Variants in TRIM33 observed in about 807,000 individuals in gnomAD.
The protein encoded by TRIM33 is E3 ubiquitin-protein ligase TRIM33.
A neutral mutation model predicts 125.4 loss-of-function variants in TRIM33; 20 were observed. The observed-to-expected ratio is 0.16, with a 90% confidence interval of 0.11 to 0.23. TRIM33 has a LOEUF of 0.23. TRIM33 is among the 10% of genes least tolerant of loss of function. TRIM33 has a pLI of 1.00. For missense variants in TRIM33, 920 were observed against 1,411.4 expected (o/e 0.65, Z 5.58); for synonymous variants, 564 against 513.9 (o/e 1.10, Z -1.32).
intron 1 of TRIM33, among the ~76,000 whole-genome samples, chr1:114,468,087 G>C (rs775915734): frequency 1.3e-5 from 2 of 152,272 alleles, no homozygotes; most frequent in East Asian, 3.9e-4. Context: ...TTGTCAAGTC[G>C]TGCCAGAAAC....
intron 1 of TRIM33, among the ~76,000 whole-genome samples, chr1:114,471,833 A>G (rs1225501752): frequency 6.6e-6 from 1 of 152,204 alleles, no homozygotes; most frequent in East Asian, 1.9e-4. Context: ...AAAATGGAAA[A>G]CATGTTATTT....
intron 1 of TRIM33, among the ~76,000 whole-genome samples, chr1:114,476,475 T>A (rs1361184022): frequency 6.6e-6 from 1 of 152,032 alleles, no homozygotes; most frequent in Non-Finnish European, 1.5e-5. Context: ...AAAACTTAGT[T>A]CTTTCCTTGA....
intron 1 of TRIM33, among the ~76,000 whole-genome samples, chr1:114,492,283 CAT>C (rs1381977283): frequency 2.6e-5 from 4 of 152,156 alleles, no homozygotes; most frequent in Non-Finnish European, 4.4e-5. Flanking sequence ...CTTTAAAACA[CAT>C]GATTTTAAAA....
At chr1:114,498,564 G>A (rs923613520) in intron 1 of TRIM33, among the ~76,000 whole-genome samples, 5 of 152,088 alleles carry the variant, frequency 3.3e-5, no homozygotes, top group African/African-American at 7.2e-5. Flanking sequence ...TAGAAGAATC[G>A]CTTGACCCAG....
chr1:114,455,108 T>G (rs61660055), intron 4 of TRIM33, among the ~76,000 whole-genome samples: 6,603 of 152,016 alleles, frequency 0.043, 156 homozygotes, highest in South Asian at 0.063. Flanking sequence ...GACCCACAGC[T>G]CACTACTGTA....
chr1:114,409,664 T>C (rs1387453244), intron 12 of TRIM33, among the ~76,000 whole-genome samples: 1 of 152,178 alleles, frequency 6.6e-6, no homozygotes, highest in Non-Finnish European at 1.5e-5. Context: ...CAATAGTATT[T>C]GAACAAAAAT....
chr1:114,419,200 CAAAAAAAAAAAA>C (rs35757503), intron 11 of TRIM33, among the ~76,000 whole-genome samples: 4 of 54,324 alleles, frequency 7.4e-5, no homozygotes, highest in Non-Finnish European at 1.5e-4. Context: ...GACACCATCT[CAAAAAAAAAAAA>C]AAAAAAAAAG....
intron 1 of TRIM33, among the ~76,000 whole-genome samples, chr1:114,466,022 G>T (rs187247797): frequency 2.6e-5 from 4 of 151,302 alleles, no homozygotes; most frequent in Middle Eastern, 3.4e-3. Flanking sequence ...CAGCTTGGGC[G>T]ACAGAGAGAC....
In TRIM33 at chr1:114,414,082, C is replaced by T. The variant is rs969390547; in HGVS notation, c.2062-3766G>A. ...ACACACACACACACGTTTTTAAATTCGTGTTTGCATATTCCTAGGGAAAAA... is the reference window on the plus strand; with the variant it reads ...ACACACACACACACGTTTTTAAATTTGTGTTTGCATATTCCTAGGGAAAAA... On this transcript the variant is annotated intron_variant, in intron 11 of 19. Coordinates refer to ENST00000358465, the MANE Select transcript of TRIM33 (RefSeq NM_015906.4). Among the ~76,000 whole-genome samples the T allele has an allele frequency of 6.1e-5, 9 of 147,218 alleles. No homozygotes were observed. In the East Asian group the frequency reaches 9.8e-4, roughly 16 times the overall value.
chr1:114,408,369 T>C (rs984582039), intron 13 of TRIM33, among the ~76,000 whole-genome samples: 4 of 152,196 alleles, frequency 2.6e-5, no homozygotes, highest in Admixed American at 1.3e-4. Flanking sequence ...TCTACTGATA[T>C]TAAAGAATGA....
chr1:114,422,880 T>C (rs1351345402), intron 10 of TRIM33, among the ~76,000 whole-genome samples: 1 of 152,178 alleles, frequency 6.6e-6, no homozygotes, highest in Non-Finnish European at 1.5e-5. Flanking sequence ...TATAATAAAA[T>C]TCTTTTAATT....
chr1:114,500,746 C>CA (rs371461723), intron 1 of TRIM33, among the ~76,000 whole-genome samples: 4,821 of 138,274 alleles, frequency 0.035, 111 homozygotes, highest in Non-Finnish European at 0.045. Context: ...CTAAGAACAG[C>CA]AAAAAAAAAA....
rs141549143 is a variant in TRIM33, at chr1:114,474,761, G to A, written c.527-10373C>T. Among the ~76,000 whole-genome samples the A allele has an allele frequency of 7.8e-3, 1,177 of 151,230 alleles. 6 individuals are homozygous for A. Among genetic ancestry groups the A allele is most frequent in the Non-Finnish European group, 0.014 (946 of 67,808 alleles). On this transcript the variant is annotated intron_variant, in intron 1 of 19. Transcript: ENST00000358465. Reference sequence around the variant, plus strand: ...ATAAGAATTAGCTGGGTGTGGTGGCGCATGCCTGTAATCCCAGCTACTCAG... The same window carrying A: ...ATAAGAATTAGCTGGGTGTGGTGGCACATGCCTGTAATCCCAGCTACTCAG...
chr1:114,478,150 G>A (rs190404529), intron 1 of TRIM33, among the ~76,000 whole-genome samples: 1 of 152,310 alleles, frequency 6.6e-6, no homozygotes, highest in Non-Finnish European at 1.5e-5. Flanking sequence ...TAAAGTTTCA[G>A]GTAAAAGCAA....
intron 1 of TRIM33, among the ~76,000 whole-genome samples, chr1:114,494,359 T>C (rs551139231): frequency 1.3e-5 from 2 of 152,270 alleles, no homozygotes; most frequent in Non-Finnish European, 2.9e-5. Flanking sequence ...AGATAAAGTA[T>C]TAACACAGGT....
rs1333418970 is a variant in TRIM33 at position 114,427,772 on chromosome 1, T to C, written c.1278A>G (p.Thr426=). Residue 426 remains threonine, a synonymous_variant, in exon 7 of 20, where the codon ACA becomes ACG. Coordinates refer to ENST00000358465, the MANE Select transcript of TRIM33 (RefSeq NM_015906.4). ...TNWAIASGSS[T]ALLYSKRLIT... ...CCAGTCGCTTGCTGTATAGTAGTGC[T>C]GTGCTGCTGCCACTTGCAATTGCCC... The C allele has an allele frequency of 6.2e-7, 1 of 1,614,078 alleles. No homozygotes were observed. Among genetic ancestry groups the C allele is most frequent in the Non-Finnish European group, 8.5e-7 (1 of 1,180,020 alleles).
At chr1:114,449,778 C>T (rs1225363866) in intron 4 of TRIM33, among the ~76,000 whole-genome samples, 1 of 152,166 alleles carries the variant, frequency 6.6e-6, no homozygotes, top group East Asian at 1.9e-4. Context: ...TCATGAACTA[C>T]CACATGCCAA....
chr1:114,410,477 C>T (rs952519673), intron 11 of TRIM33, among the ~76,000 whole-genome samples, 161 bp from the exon 12 acceptor site: 1 of 152,128 alleles, frequency 6.6e-6, no homozygotes, highest in South Asian at 2.1e-4. Context: ...AGGGCCCACA[C>T]AGTATAAAGT....
intron 1 of TRIM33, among the ~76,000 whole-genome samples, chr1:114,477,609 T>C (rs756792436): frequency 2.6e-5 from 4 of 152,220 alleles, no homozygotes; most frequent in Admixed American, 2.6e-4. Context: ...ACACACTAAG[T>C]GCTCACAAAA....
Sources: allele counts gnomAD v4.1 joint callset (sites outside exome capture counted in the v4.1 genomes callset), GRCh38; gene constraint gnomAD v4.1.1; transcripts MANE v1.5; gene names NCBI Gene and HGNC (gene_info 2026-07-23, HGNC 2026-07-21).